Variants in NPEPPS observed in about 807,000 individuals in gnomAD.
NPEPPS encodes the protein puromycin-sensitive aminopeptidase.
Under a neutral mutation model 115.5 loss-of-function variants are expected in NPEPPS, and 14 were observed. The observed-to-expected ratio is 0.12, with a 90% CI of 0.08 to 0.19. NPEPPS has a LOEUF of 0.19. Ranked by LOEUF, NPEPPS falls within the 10% of genes least tolerant of loss-of-function variation. The pLI, the probability that NPEPPS is intolerant of heterozygous loss-of-function variation, is 1.00. For synonymous variants in NPEPPS, 285 were observed against 390.6 expected, an observed-to-expected ratio of 0.73 and a Z score of 3.19; for missense variants, 523 against 1,110.8, an observed-to-expected ratio of 0.47 and a Z score of 7.52.
At chr17:47,535,271 G>C (rs1326390247) in intron 1 of NPEPPS, among the ~76,000 whole-genome samples, 1 of 119,172 alleles carries the variant, frequency 8.4e-6, no homozygotes, top group Non-Finnish European at 1.7e-5. Flanking sequence ...AAAAAAAAAG[G>C]CTGGGCGCGG....
chr17:47,601,837 GA>G lies in NPEPPS; in HGVS notation c.1740+101del, dbSNP rs1053486457. ...TCTGCTTCAGTTTAGTAGTTTCAAAGAAAAAAAAAAACCTAAACTTTTCTTT... is the reference window on the plus strand; with the variant it reads ...TCTGCTTCAGTTTAGTAGTTTCAAAGAAAAAAAAAACCTAAACTTTTCTTT... On this transcript the variant is annotated intron_variant, in intron 15 of 22. Transcript: ENST00000322157. The G allele has an allele frequency of 8.0e-3, 8,105 of 1,016,302 alleles. 4 individuals carry two copies. The highest frequency in any genetic ancestry group is 0.014 in the African/African-American group (823 of 58,206). The allele number at this position is 1,016,302 out of a possible 1,614,324, so 63.0% of individuals were successfully genotyped here.
At chr17:47,570,633 G>GACACTAA (rs1911138022) in intron 3 of NPEPPS, among the ~76,000 whole-genome samples, 1 of 152,174 alleles carries the variant, frequency 6.6e-6, no homozygotes, top group Non-Finnish European at 1.5e-5. Flanking sequence ...TAGTGTATGT[G>GACACTAA]GAAGAAATTA....
intron 20 of NPEPPS, 71 bp from the exon 21 acceptor site, chr17:47,618,938 G>T: frequency 7.2e-7 from 1 of 1,389,432 alleles, no homozygotes; most frequent in Non-Finnish European, 1.0e-6. Context: ...CAGTGTCACA[G>T]TATGGTGCAC....
At chr17:47,589,095 T>C (rs1912356683) in intron 9 of NPEPPS, among the ~76,000 whole-genome samples, 1 of 152,106 alleles carries the variant, frequency 6.6e-6, no homozygotes, top group South Asian at 2.1e-4. Flanking sequence ...TTTGCACTTT[T>C]TGTAGAGACA....
chr17:47,526,502 CT>C (rs1199790475), upstream of NPEPPS, among the ~76,000 whole-genome samples: 1 of 152,112 alleles, frequency 6.6e-6, no homozygotes, highest in East Asian at 1.9e-4. Context: ...CTTGTTAAGA[CT>C]GGAGAATATA....
upstream of NPEPPS, among the ~76,000 whole-genome samples, chr17:47,527,754 CAAG>C (rs1907497328): frequency 6.6e-6 from 1 of 151,060 alleles, no homozygotes; most frequent in African/African-American, 2.4e-5. Flanking sequence ...AAAAAATAAA[CAAG>C]AAAAACAAAA....
rs768605699 is a variant in NPEPPS at position 47,618,355 on chromosome 17, T to C, written c.2301T>C (p.His767=). ...GTTLDIMLKL[H]KQADMQEEKN... ...CTTTATCTTTTTTCCTGTAGCTTCA[T>C]AAACAAGCAGATATGCAAGAAGAGA... The change falls in exon 20 of 23, where the codon CAT becomes CAC. Residue 767 remains histidine (H), a synonymous_variant. Transcript: ENST00000322157. The C allele has an allele frequency of 1.2e-6, 2 of 1,610,244 alleles. No homozygotes were observed. The highest frequency in any genetic ancestry group is 1.7e-6 in the Non-Finnish European group (2 of 1,176,596).
At chr17:47,558,103 GT>G (rs1597835074) in intron 2 of NPEPPS, among the ~76,000 whole-genome samples, 1 of 151,472 alleles carries the variant, frequency 6.6e-6, no homozygotes, top group Non-Finnish European at 1.5e-5. Context: ...ATTTTTGTGG[GT>G]TTTTATTTGT....
At chr17:47,568,521 G>T (rs1452229039) in intron 2 of NPEPPS, among the ~76,000 whole-genome samples, 2 of 152,000 alleles carry the variant, frequency 1.3e-5, no homozygotes, top group Non-Finnish European at 2.9e-5. Context: ...GTTGGAAGTT[G>T]GTCTCTTTGG....
At chr17:47,596,702 T>G (rs549699950) in intron 13 of NPEPPS, among the ~76,000 whole-genome samples, 2 of 152,392 alleles carry the variant, frequency 1.3e-5, no homozygotes, top group Admixed American at 1.3e-4. Context: ...GATATAATTC[T>G]AAAACCACCA....
intron 5 of NPEPPS, among the ~76,000 whole-genome samples, chr17:47,583,083 A>G (rs1043079638): frequency 2.7e-5 from 4 of 150,124 alleles, no homozygotes; most frequent in Admixed American, 6.7e-5. Context: ...CCTGGGGTCA[A>G]TCTGTCTTCC....
chr17:47,565,858 A>G (rs549768204), intron 2 of NPEPPS, among the ~76,000 whole-genome samples: 1 of 152,098 alleles, frequency 6.6e-6, no homozygotes, highest in Non-Finnish European at 1.5e-5. Flanking sequence ...GGCCTGAATG[A>G]CATAAAGTGT....
At chr17:47,611,077 C>T (rs975325569) in intron 17 of NPEPPS, among the ~76,000 whole-genome samples, 1 of 151,330 alleles carries the variant, frequency 6.6e-6, no homozygotes, top group Non-Finnish European at 1.5e-5. Context: ...TGGTCTCGAT[C>T]TCCTGACCTC....
intron 15 of NPEPPS, chr17:47,603,552 A>G (rs980646950): frequency 6.1e-6 from 1 of 163,868 alleles, no homozygotes; most frequent in African/African-American, 2.4e-5. Flanking sequence ...TATAAGATCA[A>G]TGTTTGTAAA....
At chr17:47,600,576 G>C (rs549306191) in intron 14 of NPEPPS, among the ~76,000 whole-genome samples, 16 of 152,314 alleles carry the variant, frequency 1.1e-4, no homozygotes, top group African/African-American at 3.8e-4. Flanking sequence ...TCTGTGACCA[G>C]TAGAGGTAAC....
intron 17 of NPEPPS, among the ~76,000 whole-genome samples, chr17:47,611,300 A>G (rs531935746): frequency 1.8e-4 from 27 of 151,892 alleles, no homozygotes; most frequent in African/African-American, 6.3e-4. Context: ...TCTCTACTAA[A>G]AATGCAAAAA....
At chr17:47,563,242 G>A (rs954939475) in intron 2 of NPEPPS, among the ~76,000 whole-genome samples, 1 of 152,034 alleles carries the variant, frequency 6.6e-6, no homozygotes, top group African/African-American at 2.4e-5. Context: ...ATGTTGGACA[G>A]GTTGGTCTCA....
intron 9 of NPEPPS, among the ~76,000 whole-genome samples, 178 bp from the exon 10 acceptor site, chr17:47,590,539 C>G (rs1156931128): frequency 1.3e-4 from 20 of 151,900 alleles, no homozygotes; most frequent in Middle Eastern, 6.9e-3. Flanking sequence ...TTCTTGACAT[C>G]TCTTTTAGTC....
chr17:47,604,862 A>C (rs1913421874), intron 16 of NPEPPS, among the ~76,000 whole-genome samples: 1 of 152,224 alleles, frequency 6.6e-6, no homozygotes, highest in African/African-American at 2.4e-5. Context: ...GTTCTTTTAG[A>C]AATGAGTAAA....
Sources: allele counts gnomAD v4.1 joint callset (sites outside exome capture counted in the v4.1 genomes callset), GRCh38; gene constraint gnomAD v4.1.1; transcripts MANE v1.5; gene names NCBI Gene and HGNC (gene_info 2026-07-23, HGNC 2026-07-21).